WDR70: variants seen among roughly 807,000 people sequenced by gnomAD.
The protein encoded by WDR70 is WD repeat domain 70, also known as WD repeat-containing protein 70.
A neutral mutation model predicts 88.6 loss-of-function variants in WDR70; 53 were observed. That is an observed-to-expected ratio of 0.60 (90% CI 0.48 to 0.75). WDR70 has a LOEUF of 0.75. Ranked by LOEUF, WDR70 falls within the 30% of genes least tolerant of loss-of-function variation. WDR70 has a pLI of 0.00. For missense variants in WDR70, 610 were observed against 823.2 expected, an observed-to-expected ratio of 0.74 and a Z score of 3.17; for synonymous variants, 280 against 270.0, an observed-to-expected ratio of 1.04 and a Z score of -0.36.
chr5:37,583,176 C>T (rs940780230), intron 9 of WDR70, among the ~76,000 whole-genome samples: 9 of 152,076 alleles, frequency 5.9e-5, no homozygotes, highest in African/African-American at 1.9e-4. Context: ...CCTGTAATCC[C>T]GGCACTTTGG....
At chr5:37,416,522 T>G (rs923975661) in intron 5 of WDR70, among the ~76,000 whole-genome samples, 1 of 137,714 alleles carries the variant, frequency 7.3e-6, no homozygotes, top group African/African-American at 2.8e-5. Flanking sequence ...AGGGAGATCG[T>G]GGGGAGAGGG....
chr5:37,748,677 G>C (rs931970940), intron 17 of WDR70, among the ~76,000 whole-genome samples: 1 of 152,100 alleles, frequency 6.6e-6, no homozygotes, highest in Non-Finnish European at 1.5e-5. Flanking sequence ...GAGTGAACAG[G>C]CAACCTACAG....
chr5:37,431,457 A>G (rs941436933), intron 5 of WDR70, among the ~76,000 whole-genome samples: 1 of 151,996 alleles, frequency 6.6e-6, no homozygotes, highest in Admixed American at 6.6e-5. Flanking sequence ...ATATTTTAAT[A>G]GGCTTCCCTG....
In WDR70 at chr5:37,483,798, G is replaced by A. The variant is rs1327632463; in HGVS notation, c.840+3811G>A. ...CTGACCCCCCACCTCCCTCCCGGAC[G>A]GGGCGGCTGGCCGGGCAGAGGGGCT... On this transcript the variant is annotated intron_variant, in intron 8 of 17. Coordinates refer to ENST00000265107, the MANE Select transcript of WDR70 (RefSeq NM_018034.4). 8.6e-5 allele frequency among the ~76,000 whole-genome samples: 13 copies of A among 150,912 alleles called. 1 individual carries two copies. The highest frequency in any genetic ancestry group is 1.7e-4 in the African/African-American group (7 of 41,124).
chr5:37,425,888 G>C (rs4869505), intron 5 of WDR70, among the ~76,000 whole-genome samples: 72,200 of 152,042 alleles, frequency 0.47, 19,815 homozygotes, highest in Non-Finnish European at 0.61. Context: ...AGCAGAGTTT[G>C]GAGGCTGAGT....
At chr5:37,391,875 C>CTGTT in intron 3 of WDR70, 125 bp from the exon 4 acceptor site, 1 of 1,036,390 alleles carries the variant, frequency 9.6e-7, no homozygotes, top group Non-Finnish European at 1.3e-6. Flanking sequence ...TAATTTTTTG[C>CTGTT]TGTTACTGCT....
chr5:37,445,876 G>C (rs960577515), intron 7 of WDR70, among the ~76,000 whole-genome samples: 6 of 152,128 alleles, frequency 3.9e-5, no homozygotes, highest in African/African-American at 1.4e-4. Flanking sequence ...TTGAAAACTG[G>C]CACAAGACAG....
In WDR70 at chr5:37,710,245, G is replaced by A. The variant is rs528306601; in HGVS notation, c.1416+7158G>A. On this transcript the variant is annotated intron_variant, in intron 13 of 17. Coordinates refer to ENST00000265107, the MANE Select transcript of WDR70 (RefSeq NM_018034.4). The stretch of plus-strand genomic sequence containing the variant: ...AATTGATCTTTTTAAGAAAGCATAC[G>A]GTTCTGTGGTTTTTAACACATGTAT... Among the ~76,000 whole-genome samples the A allele has an allele frequency of 7.2e-5, 11 of 151,950 alleles. No homozygotes were observed. The South Asian group carries it at 1.7e-3, about 23-fold the overall frequency.
chr5:37,557,674 T>A (rs1180240580), intron 9 of WDR70, among the ~76,000 whole-genome samples: 1 of 151,666 alleles, frequency 6.6e-6, no homozygotes, highest in Admixed American at 6.6e-5. Context: ...TGTAGCAGAG[T>A]CAGTGCTGAG....
chr5:37,386,755 C>G (rs1435547550), intron 3 of WDR70, among the ~76,000 whole-genome samples: 1 of 151,990 alleles, frequency 6.6e-6, no homozygotes. Flanking sequence ...ACCTGTAATA[C>G]TGTCTTGTTA....
chr5:37,460,806 C>A (rs1363444699), intron 7 of WDR70, among the ~76,000 whole-genome samples: 2 of 151,360 alleles, frequency 1.3e-5, no homozygotes, highest in Non-Finnish European at 2.9e-5. Context: ...AGTTTGAAGA[C>A]ATGATATCTG....
chr5:37,655,818 A>T (rs1745538134), intron 10 of WDR70, among the ~76,000 whole-genome samples: 1 of 151,792 alleles, frequency 6.6e-6, no homozygotes, highest in Non-Finnish European at 1.5e-5. Flanking sequence ...TAAACTAGTT[A>T]TTCTTGTTAG....
intron 10 of WDR70, among the ~76,000 whole-genome samples, chr5:37,624,333 C>T (rs1744605960): frequency 6.6e-6 from 1 of 152,150 alleles, no homozygotes; most frequent in Non-Finnish European, 1.5e-5. Context: ...ATTTCACTTA[C>T]CTTCCACTTC....
At chr5:37,457,342 C>T (rs1450139464) in intron 7 of WDR70, among the ~76,000 whole-genome samples, 16 of 152,266 alleles carry the variant, frequency 1.1e-4, no homozygotes, top group African/African-American at 3.4e-4. Flanking sequence ...GTGATCCACC[C>T]GCCTTGGCCT....
intron 6 of WDR70, among the ~76,000 whole-genome samples, chr5:37,438,720 A>G (rs1237874876): frequency 6.6e-6 from 1 of 152,184 alleles, no homozygotes; most frequent in Non-Finnish European, 1.5e-5. Flanking sequence ...AATGATATAA[A>G]CAGGGTCATT....
At chr5:37,705,858 G>A (rs920111662) in intron 13 of WDR70, among the ~76,000 whole-genome samples, 1 of 152,128 alleles carries the variant, frequency 6.6e-6, no homozygotes, top group African/African-American at 2.4e-5. Flanking sequence ...CACAGACAGT[G>A]ATGGCATTAT....
At chr5:37,732,091 C>T (rs1748161000) in intron 17 of WDR70, among the ~76,000 whole-genome samples, 2 of 152,018 alleles carry the variant, frequency 1.3e-5, no homozygotes, top group South Asian at 4.1e-4. Context: ...AAAAGAAATC[C>T]AGTGGTACTA....
chr5:37,752,139 T>C (rs1391087961), intron 17 of WDR70, among the ~76,000 whole-genome samples: 1 of 152,168 alleles, frequency 6.6e-6, no homozygotes, highest in African/African-American at 2.4e-5. Context: ...TGACTGTAGT[T>C]CGTTCTTCCA....
At chr5:37,561,052 A>G (rs1349774272) in intron 9 of WDR70, among the ~76,000 whole-genome samples, 1 of 152,178 alleles carries the variant, frequency 6.6e-6, no homozygotes, top group East Asian at 1.9e-4. Flanking sequence ...AGGTTCATGT[A>G]TATGTCATTA....
Sources: allele counts gnomAD v4.1 joint callset (sites outside exome capture counted in the v4.1 genomes callset), GRCh38; gene constraint gnomAD v4.1.1; transcripts MANE v1.5; gene names NCBI Gene and HGNC (gene_info 2026-07-23, HGNC 2026-07-21).